IRAK2: variants seen among roughly 807,000 people sequenced by gnomAD.
IRAK2 encodes the protein interleukin-1 receptor-associated kinase-like 2.
In IRAK2, 57 loss-of-function variants were observed where a neutral mutation model predicts 72.0. The observed-to-expected ratio is 0.79, with a 90% CI of 0.64 to 0.99. The LOEUF (loss-of-function observed/expected upper bound fraction) is 0.99. IRAK2 is among the 50% of genes least tolerant of loss of function. The pLI is 0.00. For synonymous variants in IRAK2, 293 were observed against 312.7 expected (o/e 0.94, Z 0.67); for missense variants, 790 against 794.4 (o/e 0.99, Z 0.07).
At chr3:10,208,818 A>G (rs1056106163) in intron 3 of IRAK2, among the ~76,000 whole-genome samples, 15 of 151,938 alleles carry the variant, frequency 9.9e-5, no homozygotes, top group African/African-American at 3.6e-4. Context: ...CATGTTGCCC[A>G]AGCTGATCTC....
At chr3:10,240,653 G>A (rs1426735998) in intron 12 of IRAK2, among the ~76,000 whole-genome samples, 15 of 139,254 alleles carry the variant, frequency 1.1e-4, no homozygotes, top group African/African-American at 3.2e-4. Flanking sequence ...TCCGCCTCCC[G>A]GGTTCAAGTG....
intron 1 of IRAK2, among the ~76,000 whole-genome samples, chr3:10,171,649 AC>A (rs1257914757): frequency 6.7e-6 from 1 of 150,114 alleles, no homozygotes; most frequent in Non-Finnish European, 1.5e-5. Context: ...TAATTTCAAC[AC>A]TTTGGGAGGC....
At chr3:10,235,422 C>T (rs1433527623) in intron 11 of IRAK2, among the ~76,000 whole-genome samples, 1 of 152,032 alleles carries the variant, frequency 6.6e-6, no homozygotes, top group African/African-American at 2.4e-5. Flanking sequence ...CTCAGCCTCC[C>T]GAGTATCTTG....
Position 10,234,518 on chromosome 3 carries a change from G to T in IRAK2, c.1332G>T (p.Thr444=). 1.2e-6 allele frequency: 2 copies of T among 1,614,144 alleles called. No homozygotes were observed. The highest frequency in any genetic ancestry group is 1.1e-5 in the South Asian group (1 of 91,086). The change falls in exon 11 of 13, where the codon ACG becomes ACT. Residue 444 remains threonine, a synonymous_variant. Transcript: ENST00000256458. ...SSTASLCSRK[T]GVENVMAKEI... is the part of the protein sequence containing the mutation. The stretch of plus-strand genomic sequence containing the variant: ...CCGCCTCGCTCTGCTCCAGGAAGAC[G>T]GGCGTGGAGAACGTGATGGCAAAGG...
At chr3:10,176,349 G>T (rs1311741385) in intron 1 of IRAK2, among the ~76,000 whole-genome samples, 1 of 152,116 alleles carries the variant, frequency 6.6e-6, no homozygotes, top group African/African-American at 2.4e-5. Flanking sequence ...TGCCCAGGCT[G>T]GAGTGCAGTG....
intron 1 of IRAK2, among the ~76,000 whole-genome samples, chr3:10,177,198 T>A (rs752902982): frequency 5.3e-5 from 8 of 152,106 alleles, no homozygotes; most frequent in Non-Finnish European, 8.8e-5. Flanking sequence ...TCTCCTAAAG[T>A]ATTGGAATTA....
At position 10,184,885 on chromosome 3, in the gene IRAK2, ATG is replaced by A. The variant is rs1559441311; in HGVS notation, c.277+6866_277+6867del. 3.5e-5 allele frequency among the ~76,000 whole-genome samples: 5 copies of A among 144,642 alleles called. No homozygotes were observed. The East Asian group carries it at 5.9e-4, about 17-fold the overall frequency. The allele number at this position is 144,642 out of a possible 152,430, so 94.9% of individuals were successfully genotyped here. On this transcript the variant is annotated intron_variant, in intron 2 of 12. Coordinates refer to ENST00000256458, the MANE Select transcript of IRAK2 (RefSeq NM_001570.4). ...GCTGGGACTACAGGCGCCCGCCACC[ATG>A]CCCGGCTATTTTTTTATTTTTTTTT...
intron 2 of IRAK2, among the ~76,000 whole-genome samples, chr3:10,180,400 G>A (rs1696942594): frequency 6.6e-6 from 1 of 152,186 alleles, no homozygotes; most frequent in Admixed American, 6.5e-5. Flanking sequence ...TGGGCAGGCA[G>A]GATACAGTGA....
chr3:10,215,714 T>G (rs1244442386), intron 6 of IRAK2, among the ~76,000 whole-genome samples: 1 of 151,076 alleles, frequency 6.6e-6, no homozygotes, highest in East Asian at 1.9e-4. Context: ...CTTTAATGCT[T>G]TCTCTATTCA....
chr3:10,198,329 T>A (rs1209430279), intron 2 of IRAK2, among the ~76,000 whole-genome samples: 1 of 152,262 alleles, frequency 6.6e-6, no homozygotes, highest in East Asian at 1.9e-4. Flanking sequence ...GCATTCCCGA[T>A]GTCTCCCCAA....
At chr3:10,215,412 A>T (rs1249986394) in intron 6 of IRAK2, among the ~76,000 whole-genome samples, 2 of 144,448 alleles carry the variant, frequency 1.4e-5, no homozygotes, top group African/African-American at 2.6e-5. Flanking sequence ...AAAAAAAAAA[A>T]AATTAATTAA....
intron 10 of IRAK2, among the ~76,000 whole-genome samples, chr3:10,231,770 C>T (rs942044515): frequency 6.6e-6 from 1 of 152,206 alleles, no homozygotes; most frequent in African/African-American, 2.4e-5. Context: ...CTGCCTCAAC[C>T]TCCCAAAGTG....
chr3:10,236,240 A>G (rs1331349844), intron 11 of IRAK2, among the ~76,000 whole-genome samples: 1 of 151,962 alleles, frequency 6.6e-6, no homozygotes, highest in African/African-American at 2.4e-5. Context: ...CTAGAACACA[A>G]CACATGGGGC....
At chr3:10,236,581 C>T (rs1386328785) in intron 11 of IRAK2, among the ~76,000 whole-genome samples, 2 of 152,062 alleles carry the variant, frequency 1.3e-5, no homozygotes, top group African/African-American at 4.8e-5. Context: ...CTCCTGACCT[C>T]AGGTGATCCA....
chr3:10,170,748 C>T lies in IRAK2; in HGVS notation c.94+5700C>T, dbSNP rs9866893. Among the ~76,000 whole-genome samples, 1,302 of 152,304 alleles carry T rather than the reference C, an allele frequency of 8.5e-3. 15 individuals are homozygous for T. The highest frequency in any genetic ancestry group is 0.029 in the African/African-American group (1,212 of 41,560). On this transcript the variant is annotated intron_variant, in intron 1 of 12. Transcript: ENST00000256458. ...GCCAGGCCTTGGTGTGGTGAGGATGCGGGCTGCCCACTCTTACCCATTGGA... is the reference window on the plus strand; with the variant it reads ...GCCAGGCCTTGGTGTGGTGAGGATGTGGGCTGCCCACTCTTACCCATTGGA...
Position 10,218,445 on chromosome 3 carries a change from A to C in IRAK2, c.904-1235A>C, listed in dbSNP as rs867925506. Among the ~76,000 whole-genome samples, 135 of 129,302 alleles carry C rather than the reference A, an allele frequency of 1.0e-3. 4 individuals carry two copies. Among genetic ancestry groups the C allele is most frequent in the African/African-American group, 3.6e-3 (129 of 36,114 alleles). 84.8% of individuals were successfully genotyped at this position (129,302 alleles called of 152,430 possible). A position where few individuals can be genotyped will look rare whatever the true frequency, so the allele number is the denominator to read the frequency against. On this transcript the variant is annotated intron_variant, in intron 7 of 12. Transcript: ENST00000256458. ...TCTCAAAAAAAAAAAAAAAAAAAAA[A>C]CCAAAACGGTGATGATTTAGCCTGG...
At chr3:10,226,201 G>A (rs1206858423) in intron 9 of IRAK2, among the ~76,000 whole-genome samples, 170 bp from the exon 10 acceptor site, 1 of 152,118 alleles carries the variant, frequency 6.6e-6, no homozygotes, top group African/African-American at 2.4e-5. Context: ...ATCTTTAATT[G>A]GAGGAGGTGT....
intron 2 of IRAK2, among the ~76,000 whole-genome samples, chr3:10,197,426 C>G (rs1697287654): frequency 6.6e-6 from 1 of 151,590 alleles, no homozygotes; most frequent in African/African-American, 2.4e-5. Context: ...CTAAAAGACT[C>G]TCATCCTACT....
chr3:10,197,805 T>C (rs1204478000), intron 2 of IRAK2, among the ~76,000 whole-genome samples: 2 of 150,480 alleles, frequency 1.3e-5, no homozygotes, highest in Non-Finnish European at 3.0e-5. Context: ...TGAGCCGAGA[T>C]TGTGCCACTG....
Sources: gnomAD v4.1 joint callset for allele counts (sites outside exome capture counted in the v4.1 genomes callset) on GRCh38, gnomAD v4.1.1 for gene constraint, MANE v1.5 for transcripts, NCBI Gene and HGNC (gene_info 2026-07-23, HGNC 2026-07-21) for gene names.